PDXK: variants seen among roughly 807,000 people sequenced by gnomAD.
PDXK encodes the protein epididymis secretory sperm binding protein Li 1a.
Under a neutral mutation model 43.2 loss-of-function variants are expected in PDXK, and 15 were observed. The observed-to-expected ratio is 0.35, with a 90% CI of 0.23 to 0.53. The LOEUF (loss-of-function observed/expected upper bound fraction) is 0.53, where lower values mean the gene tolerates loss of function less well. Among genes scored for constraint, PDXK ranks in the 20% least tolerant of loss-of-function variants. PDXK has a pLI of 0.92. For synonymous variants in PDXK, 172 were observed against 165.4 expected (o/e 1.04, Z -0.31); for missense variants, 343 against 417.0 (o/e 0.82, Z 1.54).
chr21:43,752,672 C>CAA, intron 8 of PDXK, 43 bp downstream of exon 8: 1 of 1,190,486 alleles, frequency 8.4e-7, no homozygotes, highest in Non-Finnish European at 1.3e-6. Context: ...CTGCTCTTCC[C>CAA]AGAGGAAGGT....
In PDXK at chr21:43,719,336, C is replaced by T; in HGVS notation, c.42C>T (p.Val14=). 4 of 1,525,042 alleles carry T rather than the reference C, an allele frequency of 2.6e-6. No individual in the cohort carries two copies. The highest frequency in any genetic ancestry group is 2.4e-5 in the South Asian group (2 of 81,800). 94.5% of individuals were successfully genotyped at this position (1,525,042 alleles called of 1,614,324 possible). A position where few individuals can be genotyped will look rare whatever the true frequency, so the allele number is the denominator to read the frequency against. The change falls in exon 1 of 11, where the codon GTC becomes GTT. Residue 14 remains valine (V), a synonymous_variant. Coordinates refer to ENST00000291565, the MANE Select transcript of PDXK (RefSeq NM_003681.5). Reference sequence around the variant, plus strand: ...GGGTGCTCTCCATACAGAGCCACGTCATCCGCGGCTACGTGGGCAACCGGG... The same window carrying T: ...GGGTGCTCTCCATACAGAGCCACGTTATCCGCGGCTACGTGGGCAACCGGG... ...ECRVLSIQSH[V]IRGYVGNRAA...
intron 3 of PDXK, 169 bp from the exon 4 acceptor site, chr21:43,743,555 C>T (rs2083582866): frequency 3.8e-6 from 2 of 527,780 alleles, no homozygotes; most frequent in South Asian, 1.9e-5. Flanking sequence ...CGCCTGCACC[C>T]ACCTCCCTCC....
rs370869755 is a variant in PDXK at position 43,737,522 on chromosome 21, G to C, written c.142+3399G>C. 6.8e-6 allele frequency: 7 copies of C among 1,028,112 alleles called. No homozygotes were observed. The highest frequency in any genetic ancestry group is 8.2e-6 in the Non-Finnish European group (7 of 854,678). The allele number at this position is 1,028,112 out of a possible 1,614,324, so 63.7% of individuals were successfully genotyped here. ...GGAGCCTGCGGAGCTGGAGGTCAGCGGGTGGACGGGTTGCGCTGTCCTGGC... is the reference window on the plus strand; with the variant it reads ...GGAGCCTGCGGAGCTGGAGGTCAGCCGGTGGACGGGTTGCGCTGTCCTGGC... On this transcript the variant is annotated intron_variant, in intron 2 of 10. Coordinates refer to ENST00000291565, the MANE Select transcript of PDXK (RefSeq NM_003681.5). This position sits in a 1 kb window ranked among gnomAD's most constrained non-coding sequence, Gnocchi z 4.8.
At chr21:43,739,058 C>T (rs1248805467) in intron 2 of PDXK, among the ~76,000 whole-genome samples, 1 of 152,070 alleles carries the variant, frequency 6.6e-6, no homozygotes, top group East Asian at 1.9e-4. Flanking sequence ...CTTAGCCTCC[C>T]AAGTAGCTGG....
At chr21:43,745,475 G>A (rs2083623133) in intron 4 of PDXK, among the ~76,000 whole-genome samples, 1 of 151,992 alleles carries the variant, frequency 6.6e-6, no homozygotes, top group Non-Finnish European at 1.5e-5. Context: ...AAGGCAGGGG[G>A]AGTGGGGCGT....
At position 43,753,765 on chromosome 21, in the gene PDXK, C is replaced by G. The variant is rs1353043093; in HGVS notation, c.759+46C>G. ...CCCTCCTCGCCCACTCCCACGGCAC[C>G]TCATGGGGAGCAGGATATGAGAGTC... On this transcript the variant is annotated intron_variant, in intron 9 of 10. Coordinates refer to ENST00000291565, the MANE Select transcript of PDXK (RefSeq NM_003681.5). 7 of 1,569,088 alleles carry G rather than the reference C, an allele frequency of 4.5e-6. 1 individual carries two copies. In the East Asian group the frequency reaches 9.2e-5, roughly 21 times the overall value.
At chr21:43,733,370 A>G (rs892606134) in intron 1 of PDXK, among the ~76,000 whole-genome samples, 1 of 150,966 alleles carries the variant, frequency 6.6e-6, no homozygotes, top group African/African-American at 2.4e-5. Flanking sequence ...GGCTGTTCAG[A>G]TGCAGCAGGG....
At chr21:43,750,725 G>A (rs1331775282) in intron 7 of PDXK, among the ~76,000 whole-genome samples, 180 bp downstream of exon 7, 2 of 139,916 alleles carry the variant, frequency 1.4e-5, no homozygotes, top group Non-Finnish European at 1.5e-5. Flanking sequence ...GTGTGGACAT[G>A]TTTGTGCATG....
intron 6 of PDXK, among the ~76,000 whole-genome samples, chr21:43,749,341 G>A (rs1416086194): frequency 6.6e-6 from 1 of 152,218 alleles, no homozygotes; most frequent in Non-Finnish European, 1.5e-5. Context: ...CTGACCTCAG[G>A]TGATCCACCC....
rs544481050 is a variant in PDXK, at chr21:43,744,137, G to A, written c.331+330G>A. ...GTGTGACTACACTCACCCTAAAGGC[G>A]GAAGGGGCAAGGGGCCACACCCAGG... On this transcript the variant is annotated intron_variant, in intron 4 of 10. Coordinates refer to ENST00000291565, the MANE Select transcript of PDXK (RefSeq NM_003681.5). Among the ~76,000 whole-genome samples the A allele has an allele frequency of 7.9e-4, 121 of 152,246 alleles. 1 individual carries two copies. The highest frequency in any genetic ancestry group is 2.8e-3 in the African/African-American group (115 of 41,544).
intron 4 of PDXK, among the ~76,000 whole-genome samples, chr21:43,744,897 C>T (rs570150215): frequency 3.3e-5 from 5 of 152,256 alleles, no homozygotes; most frequent in East Asian, 1.9e-4. Context: ...ACAAAGTGTC[C>T]GTACATACAA....
rs2083899470 is a variant in PDXK, at chr21:43,759,409, C to G, written c.*3346C>G. On this transcript the variant is annotated 3_prime_UTR_variant, in exon 11 of 11. Coordinates refer to ENST00000291565, the MANE Select transcript of PDXK (RefSeq NM_003681.5). ...TGAGAGTGTTCTGGCAGCTGGAGCT[C>G]TTTTCCTTGTCCTTCCTGCCCTCCG... is the stretch of plus-strand genomic sequence containing the variant. 1 of 153,906 alleles carries G rather than the reference C, an allele frequency of 6.5e-6. No homozygotes were observed. Among genetic ancestry groups the G allele is most frequent in the African/African-American group, 2.4e-5 (1 of 41,442 alleles). 9.5% of individuals were successfully genotyped at this position (153,906 alleles called of 1,614,324 possible). A position where few individuals can be genotyped will look rare whatever the true frequency, so the allele number is the denominator to read the frequency against.
intron 6 of PDXK, among the ~76,000 whole-genome samples, chr21:43,750,145 G>A (rs993742934): frequency 9.9e-5 from 15 of 152,254 alleles, no homozygotes; most frequent in Non-Finnish European, 2.2e-4. Flanking sequence ...TGGCCCATGC[G>A]TGCATTAATC....
chr21:43,737,377 TC>T lies in PDXK; in HGVS notation c.142+3256del, dbSNP rs1261852025. ...CCGTACCACAAGGTGCGTTCATTTTTCCACACCGTGAGCTGGGCTTGGCAGA... is the reference window on the plus strand; with the variant it reads ...CCGTACCACAAGGTGCGTTCATTTTTCACACCGTGAGCTGGGCTTGGCAGA... On this transcript the variant is annotated intron_variant, in intron 2 of 10. Transcript: ENST00000291565. This position sits in a 1 kb window ranked among gnomAD's most constrained non-coding sequence, Gnocchi z 4.8. The T allele has an allele frequency of 7.4e-6, 9 of 1,212,814 alleles. No homozygotes were observed. Among genetic ancestry groups the T allele is most frequent in the Non-Finnish European group, 8.3e-6 (8 of 967,932 alleles). The allele number at this position is 1,212,814 out of a possible 1,614,324, so 75.1% of individuals were successfully genotyped here.
In PDXK at chr21:43,741,743, C is replaced by G. The variant is rs2147267405; in HGVS notation, c.219C>G (p.Asn73Lys). Residue 73 changes from asparagine to lysine, a missense_variant, in exon 3 of 11, where the codon AAC becomes AAG. By Grantham distance (94) the Asn-to-Lys change is moderately conservative. Transcript: ENST00000291565. Reference sequence around the variant, plus strand: ...TGTACGAAGGCCTGAGGCTGAACAACATGAATAAATATGACTACGTGCTCA... The same window carrying G: ...TGTACGAAGGCCTGAGGCTGAACAAGATGAATAAATATGACTACGTGCTCA... The part of the protein sequence containing the change: ...QELYEGLRLN[N>K]MNKYDYVLTG... 3.1e-6 allele frequency: 5 copies of G among 1,611,602 alleles called. No individual in the cohort carries two copies. The highest frequency in any genetic ancestry group is 1.7e-4 in the Middle Eastern group (1 of 6,052).
chr21:43,726,514 G>A (rs1033533703), intron 1 of PDXK, among the ~76,000 whole-genome samples: 7 of 152,184 alleles, frequency 4.6e-5, no homozygotes, highest in Middle Eastern at 6.8e-3. Flanking sequence ...CTGACCTCGG[G>A]ATCTGCCCGC....
chr21:43,746,410 C>CTTCTTTTCTTTTCT (rs1297887308), intron 5 of PDXK, among the ~76,000 whole-genome samples: 2 of 151,676 alleles, frequency 1.3e-5, no homozygotes, highest in Non-Finnish European at 2.9e-5. Context: ...AACATGATGA[C>CTTCTTTTCTTTTCT]TTCTTTTCTT....
At chr21:43,753,544 C>T (rs766139351) in intron 8 of PDXK, 39 bp from the exon 9 acceptor site, 69 of 1,582,022 alleles carry the variant, frequency 4.4e-5, no homozygotes, top group Non-Finnish European at 5.3e-5. Flanking sequence ...GGCAGAGGAG[C>T]GGCAGATCTC....
intron 1 of PDXK, chr21:43,728,666 G>T (rs1247139797): frequency 1.0e-6 from 1 of 967,942 alleles, no homozygotes; most frequent in Non-Finnish European, 1.2e-6. Context: ...TGGGCCCTGG[G>T]AGGAGCCCGA....
Sources: gnomAD v4.1 joint callset for allele counts (sites outside exome capture counted in the v4.1 genomes callset) on GRCh38, gnomAD v4.1.1 for gene constraint, Gnocchi (gnomAD v3.1) non-coding constraint, MANE v1.5 for transcripts, NCBI Gene and HGNC (gene_info 2026-07-23, HGNC 2026-07-21) for gene names.